FAM227B: variants seen among roughly 807,000 people sequenced by gnomAD.
The protein encoded by FAM227B is protein FAM227B.
FAM227B carries 88 observed loss-of-function variants against 73.8 expected under a neutral mutation model. The observed-to-expected ratio is 1.19, with a 90% CI of 1.00 to 1.42. FAM227B has a LOEUF of 1.42. FAM227B is among the 40% of genes most tolerant of loss of function. The pLI, the probability that FAM227B is intolerant of heterozygous loss-of-function variation, is 0.00. For synonymous variants in FAM227B, 210 were observed against 190.5 expected, an observed-to-expected ratio of 1.10 and a Z score of -0.84; for missense variants, 632 against 590.9, an observed-to-expected ratio of 1.07 and a Z score of -0.72.
At chr15:49,604,616 A>C (rs903089664) in intron 3 of FAM227B, among the ~76,000 whole-genome samples, 13 of 151,928 alleles carry the variant, frequency 8.6e-5, no homozygotes, top group African/African-American at 2.9e-4. Context: ...TATTTCTATC[A>C]TTCTTTCTTT....
chr15:49,571,796 G>C (rs1261761470), intron 8 of FAM227B, among the ~76,000 whole-genome samples: 1 of 150,562 alleles, frequency 6.6e-6, no homozygotes, highest in Non-Finnish European at 1.5e-5. Flanking sequence ...TTCAAGCTTT[G>C]TTCTTTTTGC....
At chr15:49,509,403 C>T (rs1409953454) in intron 10 of FAM227B, among the ~76,000 whole-genome samples, 66 of 152,118 alleles carry the variant, frequency 4.3e-4, no homozygotes, top group Non-Finnish European at 8.8e-5. Flanking sequence ...ATTGCATAAA[C>T]CCTACTTGGT....
At chr15:49,342,934 C>G (rs1205122240) in intron 13 of FAM227B, among the ~76,000 whole-genome samples, 1 of 152,116 alleles carries the variant, frequency 6.6e-6, no homozygotes, top group Non-Finnish European at 1.5e-5. Context: ...GCCTTTTTCT[C>G]TAGCTGCTTT....
At chr15:49,432,564 C>G (rs61259878) in intron 11 of FAM227B, among the ~76,000 whole-genome samples, 25,785 of 151,474 alleles carry the variant, frequency 0.17, 2,443 homozygotes, top group Non-Finnish European at 0.21. Flanking sequence ...TAAATTTCAA[C>G]TTGAGAGCTA....
At chr15:49,588,120 A>G (rs749814045) in intron 4 of FAM227B, 37 bp from the exon 5 acceptor site, 2 of 1,207,312 alleles carry the variant, frequency 1.7e-6, no homozygotes, top group Non-Finnish European at 2.2e-6. Flanking sequence ...TATATATTAT[A>G]CATATGAACC....
intron 3 of FAM227B, among the ~76,000 whole-genome samples, chr15:49,608,400 T>C (rs1598529464): frequency 1.3e-5 from 2 of 152,182 alleles, no homozygotes; most frequent in East Asian, 3.9e-4. Context: ...AAAAGGGCTC[T>C]CGTGGAGTTT....
At chr15:49,540,140 C>A (rs1163859567) in intron 10 of FAM227B, among the ~76,000 whole-genome samples, 3 of 152,148 alleles carry the variant, frequency 2.0e-5, no homozygotes, top group Admixed American at 6.5e-5. Context: ...GAAGAGCCAG[C>A]AGTGTCCTGT....
chr15:49,578,510 T>C (rs1463246247), intron 5 of FAM227B, among the ~76,000 whole-genome samples: 3 of 147,034 alleles, frequency 2.0e-5, no homozygotes, highest in Non-Finnish European at 3.0e-5. Flanking sequence ...AATTTCCACA[T>C]TCCTAATTAC....
intron 11 of FAM227B, among the ~76,000 whole-genome samples, chr15:49,464,316 G>C (rs983995921): frequency 1.3e-5 from 2 of 152,026 alleles, no homozygotes; most frequent in African/African-American, 2.4e-5. Context: ...GTTCTTAAAA[G>C]AGAAACAGAA....
chr15:49,333,100 C>T (rs2039085379), intron 14 of FAM227B, among the ~76,000 whole-genome samples: 1 of 152,140 alleles, frequency 6.6e-6, no homozygotes, highest in African/African-American at 2.4e-5. Context: ...GTTAAAATCA[C>T]TCCCTCTTCC....
intron 3 of FAM227B, among the ~76,000 whole-genome samples, chr15:49,592,823 G>A (rs1011715428): frequency 6.6e-6 from 1 of 152,232 alleles, no homozygotes; most frequent in Non-Finnish European, 1.5e-5. Context: ...AGTAGGCCTT[G>A]CTGAGCTGCA....
chr15:49,587,222 A>C (rs1317255211), intron 5 of FAM227B, among the ~76,000 whole-genome samples: 1 of 152,194 alleles, frequency 6.6e-6, no homozygotes, highest in Non-Finnish European at 1.5e-5. Context: ...TAGCAAACTA[A>C]TGCAGGAACA....
chr15:49,532,120 G>T lies in FAM227B; in HGVS notation c.874+9560C>A, dbSNP rs551961007. Among the ~76,000 whole-genome samples the T allele has an allele frequency of 8.9e-4, 134 of 150,518 alleles. 5 individuals carry two copies. The South Asian group carries it at 0.027, about 30-fold the overall frequency. ...GATTATCTATATATAATAGATAAAT[G>T]ATAACAGATATTTAGGGAAGCTGGT... On this transcript the variant is annotated intron_variant, in intron 10 of 15. Transcript: ENST00000299338.
chr15:49,419,925 T>G (rs975355888), intron 11 of FAM227B, among the ~76,000 whole-genome samples: 10 of 152,224 alleles, frequency 6.6e-5, no homozygotes, highest in African/African-American at 2.4e-4. Context: ...ATCTTTTCTT[T>G]GTAGCACTTG....
chr15:49,354,900 G>C (rs926540201), intron 13 of FAM227B, among the ~76,000 whole-genome samples: 1 of 152,044 alleles, frequency 6.6e-6, no homozygotes, highest in Non-Finnish European at 1.5e-5. Flanking sequence ...TCTGAGAACG[G>C]GCAGACTGCC....
chr15:49,513,131 T>G (rs1194841902), intron 10 of FAM227B, among the ~76,000 whole-genome samples: 2 of 152,146 alleles, frequency 1.3e-5, no homozygotes, highest in African/African-American at 4.8e-5. Flanking sequence ...GCAATGGAAT[T>G]GCTGGATCAA....
intron 13 of FAM227B, among the ~76,000 whole-genome samples, chr15:49,355,173 A>C (rs1308269941): frequency 2.0e-5 from 3 of 152,216 alleles, no homozygotes; most frequent in East Asian, 3.9e-4. Flanking sequence ...AACTCTAAAA[A>C]GCAGAGCGCC....
intron 9 of FAM227B, among the ~76,000 whole-genome samples, chr15:49,546,497 T>C (rs1056302051): frequency 3.9e-5 from 6 of 152,172 alleles, no homozygotes; most frequent in African/African-American, 1.4e-4. Context: ...CTGGGTCAAA[T>C]GGTATTTCTA....
At chr15:49,341,859 T>A (rs2040778815) in intron 13 of FAM227B, among the ~76,000 whole-genome samples, 1 of 152,210 alleles carries the variant, frequency 6.6e-6, no homozygotes, top group Non-Finnish European at 1.5e-5. Context: ...TTTTGGGAAA[T>A]CTTTTTGGTA....
Sources: gnomAD v4.1 joint callset for allele counts (sites outside exome capture counted in the v4.1 genomes callset) on GRCh38, gnomAD v4.1.1 for gene constraint, MANE v1.5 for transcripts, NCBI Gene and HGNC (gene_info 2026-07-23, HGNC 2026-07-21) for gene names.